The following CHST11 variants were observed in gnomAD, a reference collection of about 807,000 sequenced individuals.
CHST11 encodes carbohydrate sulfotransferase 11.
Under a neutral mutation model 30.4 loss-of-function variants are expected in CHST11, and 9 were observed. The observed-to-expected ratio is 0.30, with a 90% CI of 0.18 to 0.52. The LOEUF is 0.52. Ranked by LOEUF, CHST11 falls within the 20% of genes least tolerant of loss-of-function variation. The probability of loss-of-function intolerance (pLI) is 0.97; values close to 1 mark genes in which losing one functional copy is unlikely to be tolerated. For missense variants in CHST11, 348 were observed against 460.6 expected (o/e 0.76, Z 2.24); for synonymous variants, 152 against 187.8 (o/e 0.81, Z 1.56).
At chr12:104,677,708 A>G (rs1029799881) in intron 2 of CHST11, among the ~76,000 whole-genome samples, 1 of 152,268 alleles carries the variant, frequency 6.6e-6, no homozygotes, top group Non-Finnish European at 1.5e-5. Context: ...AATGTGGCGC[A>G]TAGCTGCGCA....
At chr12:104,755,199 T>TG (rs1280232219) in intron 2 of CHST11, among the ~76,000 whole-genome samples, 1 of 152,164 alleles carries the variant, frequency 6.6e-6, no homozygotes, top group Non-Finnish European at 1.5e-5. Context: ...GGCAGATACT[T>TG]GGGTTGCACT....
chr12:104,492,102 A>G (rs1477038139), intron 1 of CHST11, among the ~76,000 whole-genome samples: 2 of 151,876 alleles, frequency 1.3e-5, no homozygotes, highest in African/African-American at 4.8e-5. Flanking sequence ...ACTCTGTTTT[A>G]TTTATTTATT....
At chr12:104,695,026 G>C (rs2039931257) in intron 2 of CHST11, among the ~76,000 whole-genome samples, 1 of 152,168 alleles carries the variant, frequency 6.6e-6, no homozygotes, top group Non-Finnish European at 1.5e-5. Context: ...GTCAGCTGTT[G>C]AGAAATGGAG....
At chr12:104,605,627 A>C (rs1385596536) in intron 2 of CHST11, among the ~76,000 whole-genome samples, 1 of 152,226 alleles carries the variant, frequency 6.6e-6, no homozygotes, top group Non-Finnish European at 1.5e-5. Flanking sequence ...ATTCTTAGAA[A>C]AACTGTACTC....
At chr12:104,660,706 A>C (rs1367010799) in intron 2 of CHST11, among the ~76,000 whole-genome samples, 1 of 152,176 alleles carries the variant, frequency 6.6e-6, no homozygotes, top group Non-Finnish European at 1.5e-5. Context: ...TTCTCAGAAG[A>C]AAATCCGAAA....
intron 1 of CHST11, among the ~76,000 whole-genome samples, chr12:104,542,523 T>A (rs1044861397): frequency 6.6e-6 from 1 of 152,224 alleles, no homozygotes. Context: ...GGACAAATAC[T>A]GTGTGATCCA....
intron 2 of CHST11, among the ~76,000 whole-genome samples, chr12:104,726,139 A>G (rs1285144836): frequency 6.6e-6 from 1 of 152,266 alleles, no homozygotes; most frequent in Non-Finnish European, 1.5e-5. Context: ...GAAATATTGC[A>G]TATTTCATAA....
At chr12:104,590,131 C>T (rs2038843915) in intron 1 of CHST11, among the ~76,000 whole-genome samples, 1 of 152,142 alleles carries the variant, frequency 6.6e-6, no homozygotes, top group South Asian at 2.1e-4. Flanking sequence ...GCCTCGTTGG[C>T]CCCATCTGGC....
At position 104,681,977 on chromosome 12, in the gene CHST11, C is replaced by T. The variant is rs573239016; in HGVS notation, c.205-74972C>T. Among the ~76,000 whole-genome samples, 5 of 151,860 alleles carry T rather than the reference C, an allele frequency of 3.3e-5. No homozygotes were observed. The East Asian group carries it at 9.7e-4, about 29-fold the overall frequency. ...TCCCGAGTAGATGGGACTACAGGCA[C>T]CCGCCACCACACCCGGCTAATTTTT... On this transcript the variant is annotated intron_variant, in intron 2 of 2. Transcript: ENST00000303694.
At chr12:104,579,156 CTTGGCGAGGG>C (rs2038713998) in intron 1 of CHST11, among the ~76,000 whole-genome samples, 1 of 152,218 alleles carries the variant, frequency 6.6e-6, no homozygotes, top group Non-Finnish European at 1.5e-5. Flanking sequence ...GCTCTTTAAG[CTTGGCGAGGG>C]TTGGGTCTGT....
rs2040490486 is a variant in CHST11, at chr12:104,757,596, G to C, written c.852G>C (p.Glu284Asp). Reference protein sequence around the residue: ...DLVGKYETLEEDSNYVLQLAG... With the variant: ...DLVGKYETLEDDSNYVLQLAG... ...TGGGCAAGTACGAGACACTGGAAGA[G>C]GATTCTAATTACGTCCTGCAGCTGG... The change falls in exon 3 of 3, where the codon GAG (glutamate) becomes GAC (aspartate). Residue 284 changes from glutamate to aspartate, a missense_variant. Glu to Asp is a conservative substitution (Grantham distance 45). This residue lies in a region of CHST11 where 210 missense variants were observed against 287.2 expected (regional missense o/e 0.73). Coordinates refer to ENST00000303694, the MANE Select transcript of CHST11 (RefSeq NM_018413.6). This position sits in a 1 kb window ranked among gnomAD's most constrained non-coding sequence, Gnocchi z 6.5. 3.1e-6 allele frequency: 5 copies of C among 1,614,036 alleles called. No individual in the cohort carries two copies. The highest frequency in any genetic ancestry group is 4.5e-5 in the East Asian group (2 of 44,886).
At chr12:104,617,608 C>T (rs2039121093) in intron 2 of CHST11, among the ~76,000 whole-genome samples, 1 of 152,144 alleles carries the variant, frequency 6.6e-6, no homozygotes, top group African/African-American at 2.4e-5. Flanking sequence ...TCTAGGTTTC[C>T]TCATCTGGAA....
chr12:104,592,832 AG>A (rs1411732960), intron 1 of CHST11, among the ~76,000 whole-genome samples: 1 of 152,188 alleles, frequency 6.6e-6, no homozygotes, highest in Non-Finnish European at 1.5e-5. Flanking sequence ...TTTCGGAAGT[AG>A]GCATGCTGTC....
At chr12:104,519,071 G>GGT (rs10628757) in intron 1 of CHST11, among the ~76,000 whole-genome samples, 27,088 of 139,474 alleles carry the variant, frequency 0.19, 2,776 homozygotes, top group African/African-American at 0.29. Flanking sequence ...GGACTCTTGA[G>GGT]GTGTGTGTGT....
At chr12:104,595,009 C>CTCA (rs903775649) in intron 1 of CHST11, among the ~76,000 whole-genome samples, 31 of 152,258 alleles carry the variant, frequency 2.0e-4, no homozygotes, top group Middle Eastern at 3.4e-3. Context: ...CTGAACTCAA[C>CTCA]ATAATGTTAG....
At chr12:104,754,066 G>GT (rs1262923716) in intron 2 of CHST11, among the ~76,000 whole-genome samples, 2 of 152,208 alleles carry the variant, frequency 1.3e-5, no homozygotes, top group Non-Finnish European at 2.9e-5. Flanking sequence ...AATTTGTTGA[G>GT]TGGTGGCATT....
At chr12:104,620,284 C>T (rs780648530) in intron 2 of CHST11, among the ~76,000 whole-genome samples, 2 of 152,218 alleles carry the variant, frequency 1.3e-5, no homozygotes, top group Non-Finnish European at 2.9e-5. Context: ...ATAGGTTTTC[C>T]TTCATTTTCC....
intron 2 of CHST11, among the ~76,000 whole-genome samples, chr12:104,659,795 C>T (rs1330900525): frequency 1.3e-5 from 2 of 149,874 alleles, no homozygotes; most frequent in Non-Finnish European, 3.0e-5. Context: ...GTGAGACCCC[C>T]CCCCGCCCCC....
intron 2 of CHST11, among the ~76,000 whole-genome samples, chr12:104,724,732 C>T (rs546208636): frequency 1.6e-3 from 247 of 152,168 alleles, no homozygotes; most frequent in African/African-American, 5.6e-3. Flanking sequence ...CCGCAGTTGC[C>T]TTACAGAGCA....
Sources: allele counts gnomAD v4.1 joint callset (sites outside exome capture counted in the v4.1 genomes callset), GRCh38; gene constraint gnomAD v4.1.1; regional missense constraint gnomAD v4.1.1; non-coding constraint Gnocchi (gnomAD v3.1); transcripts MANE v1.5; gene names NCBI Gene and HGNC (gene_info 2026-07-23, HGNC 2026-07-21).